ATP13A4: variants seen among roughly 807,000 people sequenced by gnomAD.
ATP13A4 encodes probable cation-transporting ATPase 13A4.
A neutral mutation model predicts 142.5 loss-of-function variants in ATP13A4; 114 were observed. The observed-to-expected ratio is 0.80, with a 90% CI of 0.69 to 0.93. The LOEUF is 0.93. Ranked by LOEUF, ATP13A4 falls within the 40% of genes least tolerant of loss-of-function variation. The pLI is 0.00. For missense variants in ATP13A4, 1,392 were observed against 1,454.0 expected (o/e 0.96, Z 0.69); for synonymous variants, 488 against 514.8 (o/e 0.95, Z 0.70).
At chr3:193,564,058 A>T (rs1724081402) in intron 2 of ATP13A4, among the ~76,000 whole-genome samples, 1 of 152,266 alleles carries the variant, frequency 6.6e-6, no homozygotes, top group Non-Finnish European at 1.5e-5. Context: ...TTATTTTTAG[A>T]ATAAGAAAGA....
rs948695533 is a variant in ATP13A4, at chr3:193,413,708, TG to T, written c.3014+870del. On this transcript the variant is annotated intron_variant, in intron 26 of 29. Coordinates refer to ENST00000342695, the MANE Select transcript of ATP13A4 (RefSeq NM_032279.4). ...TGCAGTACCCTCAGGCTTATTAGGA[TG>T]GGGGAAAAAACCCCACCCTGGTGAA... Among the ~76,000 whole-genome samples the T allele has an allele frequency of 6.6e-4, 101 of 152,234 alleles. 1 individual carries two copies. The highest frequency in any genetic ancestry group is 2.3e-3 in the African/African-American group (97 of 41,542).
chr3:193,542,811 C>T (rs964955717), intron 1 of ATP13A4, among the ~76,000 whole-genome samples: 3 of 152,136 alleles, frequency 2.0e-5, no homozygotes, highest in African/African-American at 4.8e-5. Context: ...GTCCTTACAC[C>T]TTATACAAAA....
At chr3:193,556,683 T>C (rs1426432068), upstream of ATP13A4, among the ~76,000 whole-genome samples, 1 of 152,058 alleles carries the variant, frequency 6.6e-6, no homozygotes, top group Non-Finnish European at 1.5e-5. Context: ...TTTGTGAACA[T>C]ACTAAACCTC....
Position 193,401,205 on chromosome 3 carries a change from G to A in ATP13A4, c.*1447C>T, listed in dbSNP as rs1714249304. Among the ~76,000 whole-genome samples, 1 of 152,170 alleles carries A rather than the reference G, an allele frequency of 6.6e-6. No individual in the cohort carries two copies. Among genetic ancestry groups the A allele is most frequent in the Non-Finnish European group, 1.5e-5 (1 of 68,028 alleles). On this transcript the variant is annotated 3_prime_UTR_variant, in exon 30 of 30. Transcript: ENST00000342695. Reference sequence around the variant, plus strand: ...TCAGAACATTCACCTAGGATTTGATGCTCATAATACAAATTTTGCTTTTGC... The same window carrying A: ...TCAGAACATTCACCTAGGATTTGATACTCATAATACAAATTTTGCTTTTGC...
intron 25 of ATP13A4, among the ~76,000 whole-genome samples, chr3:193,425,062 A>G (rs1490038661): frequency 1.3e-5 from 2 of 150,504 alleles, no homozygotes; most frequent in African/African-American, 4.9e-5. Context: ...ATTTCTCCAA[A>G]AAAACCATAG....
intron 1 of ATP13A4, among the ~76,000 whole-genome samples, chr3:193,521,963 G>GAA (rs367975231): frequency 6.8e-6 from 1 of 146,344 alleles, no homozygotes; most frequent in Non-Finnish European, 1.5e-5. Context: ...TAGAAAAATA[G>GAA]AAAAAAAAAA....
chr3:193,412,506 A>AACAC lies in ATP13A4; in HGVS notation c.3015-139_3015-136dup, dbSNP rs58979821. ...TTCTACAATTGCCTGTGCTTTGGAA[A>AACAC]ACACACACACACACACACACACACA... On this transcript the variant is annotated intron_variant, in intron 26 of 29. Coordinates refer to ENST00000342695, the MANE Select transcript of ATP13A4 (RefSeq NM_032279.4). 4.3e-3 allele frequency: 2,185 copies of AACAC among 509,398 alleles called. 31 individuals are homozygous for AACAC. Among genetic ancestry groups the AACAC allele is most frequent in the East Asian group, 0.018 (485 of 26,680 alleles). The allele number at this position is 509,398 out of a possible 1,614,324, so 31.6% of individuals were successfully genotyped here.
intron 23 of ATP13A4, among the ~76,000 whole-genome samples, chr3:193,437,150 G>GT (rs1716335260): frequency 6.9e-6 from 1 of 145,012 alleles, no homozygotes; most frequent in African/African-American, 2.5e-5. Flanking sequence ...GTTTTTTTCT[G>GT]TATCAGAGTT....
At chr3:193,592,078 G>A (rs1724819738) in intron 1 of ATP13A4, among the ~76,000 whole-genome samples, 1 of 143,676 alleles carries the variant, frequency 7.0e-6, no homozygotes, top group Admixed American at 7.5e-5. Context: ...TTATGATTCT[G>A]ACAATTAAGG....
upstream of ATP13A4, among the ~76,000 whole-genome samples, chr3:193,559,978 AC>A (rs771790385): frequency 1.1e-4 from 17 of 152,162 alleles, no homozygotes; most frequent in Non-Finnish European, 2.4e-4. Context: ...AATTTTGAGA[AC>A]TTTTAACCTA....
At chr3:193,526,214 A>T (rs1277438541) in intron 1 of ATP13A4, among the ~76,000 whole-genome samples, 1 of 152,210 alleles carries the variant, frequency 6.6e-6, no homozygotes, top group East Asian at 1.9e-4. Context: ...CCTATCAATG[A>T]TAGAGTGGAT....
chr3:193,566,832 A>G (rs974643039), intron 2 of ATP13A4, among the ~76,000 whole-genome samples: 8 of 152,238 alleles, frequency 5.3e-5, no homozygotes, highest in Admixed American at 3.3e-4. Context: ...GATGGCACAC[A>G]TATGTTAAAA....
At chr3:193,423,090 ATG>A (rs1715484175) in intron 25 of ATP13A4, among the ~76,000 whole-genome samples, 1 of 149,960 alleles carries the variant, frequency 6.7e-6, no homozygotes, top group Non-Finnish European at 1.5e-5. Context: ...GAACAACTGT[ATG>A]CCAACAAATT....
At chr3:193,535,370 C>T (rs1000261279) in intron 1 of ATP13A4, among the ~76,000 whole-genome samples, 7 of 151,892 alleles carry the variant, frequency 4.6e-5, no homozygotes, top group African/African-American at 1.7e-4. Context: ...AAATCAATAA[C>T]AGAAATTTAA....
chr3:193,427,104 T>C (rs1015639636), intron 25 of ATP13A4, among the ~76,000 whole-genome samples: 1 of 151,956 alleles, frequency 6.6e-6, no homozygotes, highest in African/African-American at 2.4e-5. Flanking sequence ...CTCCACAATA[T>C]ATGAAGAACT....
chr3:193,491,130 T>C (rs1021472229), intron 6 of ATP13A4, among the ~76,000 whole-genome samples, 199 bp downstream of exon 6: 2 of 152,210 alleles, frequency 1.3e-5, no homozygotes, highest in African/African-American at 4.8e-5. Flanking sequence ...TCACACCCTA[T>C]ATTGCATAAG....
At chr3:193,543,194 C>A (rs1723037789) in intron 1 of ATP13A4, among the ~76,000 whole-genome samples, 1 of 147,604 alleles carries the variant, frequency 6.8e-6, no homozygotes, top group Middle Eastern at 3.6e-3. Context: ...AGAAGAAAAT[C>A]TAGGCAATAC....
chr3:193,574,139 C>T (rs965384314), intron 2 of ATP13A4, among the ~76,000 whole-genome samples: 3 of 151,988 alleles, frequency 2.0e-5, no homozygotes. Flanking sequence ...AACTAATTTT[C>T]CATATTTTCC....
At chr3:193,494,235 T>C (rs2108667830) in intron 3 of ATP13A4, among the ~76,000 whole-genome samples, 1 of 152,018 alleles carries the variant, frequency 6.6e-6, no homozygotes, top group East Asian at 1.9e-4. Context: ...GACAGAAAAT[T>C]AACGAAGAAA....
Sources: allele counts gnomAD v4.1 joint callset (sites outside exome capture counted in the v4.1 genomes callset), GRCh38; gene constraint gnomAD v4.1.1; transcripts MANE v1.5; gene names NCBI Gene and HGNC (gene_info 2026-07-23, HGNC 2026-07-21).